Variants in TFDP1 observed in about 807,000 individuals in gnomAD.
TFDP1 encodes the protein transcription factor Dp-1.
Under a neutral mutation model 48.0 loss-of-function variants are expected in TFDP1, and 6 were observed. That is an observed-to-expected ratio of 0.13 (90% confidence interval 0.07 to 0.25). The LOEUF is 0.25. Ranked by LOEUF, TFDP1 falls within the 10% of genes least tolerant of loss-of-function variation. The pLI is 1.00. For synonymous variants in TFDP1, 201 were observed against 211.6 expected, an observed-to-expected ratio of 0.95 and a Z score of 0.44; for missense variants, 335 against 543.0, an observed-to-expected ratio of 0.62 and a Z score of 3.81.
At chr13:113,640,020 C>A (rs953553318) in intron 11 of TFDP1, 100 bp from the exon 12 acceptor site, 1 of 872,726 alleles carries the variant, frequency 1.1e-6, no homozygotes. Flanking sequence ...AAAACCCACA[C>A]CTGTGGGGCA....
chr13:113,621,879 T>C (rs1353416054), intron 3 of TFDP1, among the ~76,000 whole-genome samples: 1 of 152,166 alleles, frequency 6.6e-6, no homozygotes, highest in African/African-American at 2.4e-5. Context: ...GGCCTAACCG[T>C]CTCCCTGTGA....
At chr13:113,629,443 C>T (rs2049275455) in intron 4 of TFDP1, among the ~76,000 whole-genome samples, 1 of 152,188 alleles carries the variant, frequency 6.6e-6, no homozygotes, top group Non-Finnish European at 1.5e-5. Context: ...GTGGGTTTGA[C>T]CTGTGATTTT....
Position 113,640,831 on chromosome 13 carries a change from TC to T in TFDP1, c.*567del. 1 of 154,820 alleles carries T rather than the reference TC, an allele frequency of 6.5e-6. No homozygotes were observed. Among genetic ancestry groups the T allele is most frequent in the South Asian group, 2.0e-4 (1 of 5,054 alleles). The allele number at this position is 154,820 out of a possible 1,614,324, so 9.6% of individuals were successfully genotyped here. A position where few individuals can be genotyped will look rare whatever the true frequency, so the allele number is the denominator to read the frequency against. On this transcript the variant is annotated 3_prime_UTR_variant, in exon 12 of 12. Coordinates refer to ENST00000375370, the MANE Select transcript of TFDP1 (RefSeq NM_007111.5). The stretch of plus-strand genomic sequence containing the variant: ...ACCATCAACCTTATTGACTTTATTG[TC>T]CCTTAAATTATATTGACTGTTGTGA...
At chr13:113,625,417 C>G (rs1489089243) in intron 4 of TFDP1, among the ~76,000 whole-genome samples, 1 of 130,800 alleles carries the variant, frequency 7.6e-6, no homozygotes, top group Non-Finnish European at 1.6e-5. Flanking sequence ...AGGTGTCTCT[C>G]ACGTGTCCTC....
rs1450921301 is a variant in TFDP1 at position 113,625,779 on chromosome 13, GTGT to G, written c.186+2494_186+2496del. 6.6e-4 allele frequency among the ~76,000 whole-genome samples: 82 copies of G among 123,622 alleles called. 1 individual carries two copies. Among genetic ancestry groups the G allele is most frequent in the African/African-American group, 1.1e-3 (35 of 31,246 alleles). The allele number at this position is 123,622 out of a possible 152,430, so 81.1% of individuals were successfully genotyped here. On this transcript the variant is annotated intron_variant, in intron 4 of 11. Coordinates refer to ENST00000375370, the MANE Select transcript of TFDP1 (RefSeq NM_007111.5). ...TCACGTGTCCTCAGGCGTCTCTCACGTGTCCTCAGGCGTCTCTCACGTGTCCTC... is the reference window on the plus strand; with the variant it reads ...TCACGTGTCCTCAGGCGTCTCTCACGCCTCAGGCGTCTCTCACGTGTCCTC...
intron 2 of TFDP1, chr13:113,586,150 C>T (rs950614322): frequency 7.2e-6 from 2 of 277,284 alleles, no homozygotes; most frequent in African/African-American, 4.4e-5. Context: ...TAAATAAACG[C>T]CTTAATTAAA....
At chr13:113,593,647 C>T (rs2048206513) in intron 2 of TFDP1, among the ~76,000 whole-genome samples, 1 of 132,632 alleles carries the variant, frequency 7.5e-6, no homozygotes, top group Non-Finnish European at 1.6e-5. Flanking sequence ...TCCTCACCCA[C>T]CCAGGTGACA....
intron 3 of TFDP1, among the ~76,000 whole-genome samples, chr13:113,613,648 C>T (rs1193222248): frequency 3.6e-5 from 4 of 110,638 alleles, no homozygotes; most frequent in South Asian, 3.1e-4. Context: ...TGTGTGTCTG[C>T]GTGAATGCGT....
chr13:113,640,065 G>T (rs1381285940), intron 11 of TFDP1, 55 bp from the exon 12 acceptor site: 5 of 1,334,778 alleles, frequency 3.7e-6, no homozygotes, highest in Non-Finnish European at 5.2e-6. Flanking sequence ...CTGAGGCGGG[G>T]GGAGGCTGGG....
chr13:113,617,789 G>A (rs1224053078), intron 3 of TFDP1, among the ~76,000 whole-genome samples: 4 of 152,206 alleles, frequency 2.6e-5, no homozygotes, highest in African/African-American at 7.2e-5. Flanking sequence ...CTCTGACAAC[G>A]TAAAGATGTT....
upstream of TFDP1, chr13:113,584,706 C>T (rs1345013770): frequency 6.8e-6 from 1 of 147,742 alleles, no homozygotes; most frequent in Admixed American, 6.7e-5. Context: ...GCGCGCACGT[C>T]ACGCCGGCCC....
At chr13:113,634,485 C>T (rs1205100057) in intron 7 of TFDP1, 49 bp from the exon 8 acceptor site, 1 of 1,540,946 alleles carries the variant, frequency 6.5e-7, no homozygotes, top group Non-Finnish European at 8.9e-7. Flanking sequence ...AAAAAACGCT[C>T]TGTGGAACAG....
At chr13:113,637,723 T>G in intron 10 of TFDP1, 95 bp from the exon 11 acceptor site, 1 of 1,606,126 alleles carries the variant, frequency 6.2e-7, no homozygotes, top group South Asian at 1.1e-5. Flanking sequence ...TACAGCCGTC[T>G]GTCCTGTGGA....
intron 3 of TFDP1, among the ~76,000 whole-genome samples, chr13:113,617,775 C>G (rs2048899772): frequency 6.6e-6 from 1 of 152,238 alleles, no homozygotes; most frequent in African/African-American, 2.4e-5. Flanking sequence ...TCTTAGACAT[C>G]TGGCTCTGAC....
At chr13:113,585,941 A>C in intron 2 of TFDP1, 92 bp downstream of exon 2, 5 of 1,396,188 alleles carry the variant, frequency 3.6e-6, no homozygotes, top group Non-Finnish European at 5.1e-6. Flanking sequence ...GACAACACAT[A>C]AGCTACAGTA....
At chr13:113,612,461 T>G (rs762236081) in intron 3 of TFDP1, among the ~76,000 whole-genome samples, 1 of 152,248 alleles carries the variant, frequency 6.6e-6, no homozygotes, top group Non-Finnish European at 1.5e-5. Context: ...TATGAGCTTT[T>G]TGTCTTGATC....
intron 5 of TFDP1, among the ~76,000 whole-genome samples, chr13:113,632,646 C>T (rs918884283): frequency 6.6e-6 from 1 of 152,144 alleles, no homozygotes; most frequent in Non-Finnish European, 1.5e-5. Context: ...GATGTGGTGG[C>T]ACGTGCCTGT....
rs1264852192 is a variant in TFDP1 at position 113,584,884 on chromosome 13, G to A, written c.-69G>A. On this transcript the variant is annotated 5_prime_UTR_variant, in exon 1 of 12. Coordinates refer to ENST00000375370, the MANE Select transcript of TFDP1 (RefSeq NM_007111.5). ...CCCGCCCGCGCGGCCGGACCGGGCA[G>A]CCAGGTGCGGGTGGGCAGGGGATGC... 2.1e-5 allele frequency: 3 copies of A among 146,158 alleles called. No individual in the cohort carries two copies. Among genetic ancestry groups the A allele is most frequent in the Admixed American group, 6.8e-5 (1 of 14,734 alleles). The allele number at this position is 146,158 out of a possible 1,614,324, so 9.1% of individuals were successfully genotyped here. A position where few individuals can be genotyped will look rare whatever the true frequency, so the allele number is the denominator to read the frequency against.
chr13:113,611,453 A>C (rs903901887), intron 3 of TFDP1, among the ~76,000 whole-genome samples: 1 of 152,252 alleles, frequency 6.6e-6, no homozygotes, highest in Non-Finnish European at 1.5e-5. Context: ...ACCATGGTGC[A>C]TGCCTTCTGC....
Sources: allele counts gnomAD v4.1 joint callset (sites outside exome capture counted in the v4.1 genomes callset), GRCh38; gene constraint gnomAD v4.1.1; transcripts MANE v1.5; gene names NCBI Gene and HGNC (gene_info 2026-07-23, HGNC 2026-07-21).